Variants in CACHD1 observed in about 807,000 individuals in gnomAD.
CACHD1 encodes VWFA and cache domain-containing protein 1.
Under a neutral mutation model 138.7 loss-of-function variants are expected in CACHD1, and 71 were observed. That is an observed-to-expected ratio of 0.51 (90% CI 0.42 to 0.62). The LOEUF is 0.62. Among genes scored for constraint, CACHD1 ranks in the 20% least tolerant of loss-of-function variants. CACHD1 has a pLI of 0.00. For missense variants in CACHD1, 1,389 were observed against 1,625.3 expected (o/e 0.85, Z 2.50); for synonymous variants, 578 against 591.5 (o/e 0.98, Z 0.33).
intron 26 of CACHD1, among the ~76,000 whole-genome samples, chr1:64,688,185 T>C (rs1272204596): frequency 6.6e-6 from 1 of 152,074 alleles, no homozygotes; most frequent in African/African-American, 2.4e-5. Context: ...GTGTGGGTGC[T>C]TGTAAATGAG....
intron 3 of CACHD1, among the ~76,000 whole-genome samples, chr1:64,593,065 T>C (rs1341687242): frequency 6.6e-6 from 1 of 152,184 alleles, no homozygotes. Flanking sequence ...AGAAAACTTT[T>C]AGGAGAAAAA....
At chr1:64,675,798 A>T in intron 20 of CACHD1, 99 bp from the exon 21 acceptor site, 1 of 803,240 alleles carries the variant, frequency 1.2e-6, no homozygotes, top group Non-Finnish European at 1.9e-6. Flanking sequence ...CTATTCTTTT[A>T]AACTAGCTCA....
At position 64,527,174 on chromosome 1, in the gene CACHD1, G is replaced by A. The variant is rs534117798; in HGVS notation, c.199-23420G>A. On this transcript the variant is annotated intron_variant, in intron 1 of 26. Transcript: ENST00000651257. ...TGGATGAGTGCAAGTGCAGGACCAC[G>A]GAGCGGCACAGGGACAGTTGCAGAT... is the stretch of plus-strand genomic sequence containing the variant. Among the ~76,000 whole-genome samples, 11 of 152,276 alleles carry A rather than the reference G, an allele frequency of 7.2e-5. No homozygotes were observed. The South Asian group carries it at 2.3e-3, about 32-fold the overall frequency.
At chr1:64,472,427 TGAGGAGTG>T (rs1457894578) in intron 1 of CACHD1, among the ~76,000 whole-genome samples, 1 of 152,196 alleles carries the variant, frequency 6.6e-6, no homozygotes, top group Non-Finnish European at 1.5e-5. Context: ...ACATGAGGAC[TGAGGAGTG>T]GATGGATTTT....
At chr1:64,681,145 A>G in intron 24 of CACHD1, 113 bp from the exon 25 acceptor site, 1 of 707,442 alleles carries the variant, frequency 1.4e-6, no homozygotes, top group Admixed American at 2.2e-5. Context: ...GATGGGATTC[A>G]TTCTTGATGG....
chr1:64,550,576 AT>A lies in CACHD1; in HGVS notation c.199-14del. 1 of 1,592,840 alleles carries A rather than the reference AT, an allele frequency of 6.3e-7. No homozygotes were observed. Among genetic ancestry groups the A allele is most frequent in the African/African-American group, 1.3e-5 (1 of 74,620 alleles). On this transcript the variant is annotated splice_polypyrimidine_tract_variant and intron_variant, in intron 1 of 26. Transcript: ENST00000651257. ...GACTTATTTAGAAAATCTCATGTTC[AT>A]TTTCTTTTCATTGCAGCGGATATTC...
At chr1:64,522,326 T>C (rs1421287184) in intron 1 of CACHD1, among the ~76,000 whole-genome samples, 1 of 152,142 alleles carries the variant, frequency 6.6e-6, no homozygotes, top group African/African-American at 2.4e-5. Context: ...TTTGTTTTTT[T>C]GAGATGAAGC....
chr1:64,521,735 A>G (rs1271743408), intron 1 of CACHD1, among the ~76,000 whole-genome samples: 6 of 152,172 alleles, frequency 3.9e-5, no homozygotes, highest in African/African-American at 1.4e-4. Flanking sequence ...TTTGAGTGGT[A>G]TTGCTGGTTC....
In CACHD1 at chr1:64,531,971, C is replaced by CT. The variant is rs1646590879; in HGVS notation, c.199-18622dup. Reference sequence around the variant, plus strand: ...TTGAAAGATGAGAAAGAATGAGTCCCTGTGTTCTAGAAACTCACAGGATAG... The same window carrying CT: ...TTGAAAGATGAGAAAGAATGAGTCCCTTGTGTTCTAGAAACTCACAGGATAG... On this transcript the variant is annotated intron_variant, in intron 1 of 26. Transcript: ENST00000651257. Among the ~76,000 whole-genome samples the CT allele has an allele frequency of 2.6e-5, 4 of 152,296 alleles. No homozygotes were observed. In the South Asian group the frequency reaches 8.3e-4, roughly 32 times the overall value.
chr1:64,535,782 G>A (rs1002670124), intron 1 of CACHD1, among the ~76,000 whole-genome samples: 7 of 152,166 alleles, frequency 4.6e-5, no homozygotes, highest in African/African-American at 1.7e-4. Context: ...ACCTCCATGA[G>A]TCTTACACAT....
intron 1 of CACHD1, among the ~76,000 whole-genome samples, chr1:64,493,949 G>A (rs887628536): frequency 3.9e-5 from 6 of 152,222 alleles, no homozygotes; most frequent in African/African-American, 1.4e-4. Context: ...CATCTCAGCA[G>A]TTCCTGGGGC....
chr1:64,529,270 A>G (rs1252248312), intron 1 of CACHD1, among the ~76,000 whole-genome samples: 1 of 152,196 alleles, frequency 6.6e-6, no homozygotes, highest in Non-Finnish European at 1.5e-5. Context: ...AACCATAGAA[A>G]AATATTGCTT....
intron 4 of CACHD1, 128 bp from the exon 5 acceptor site, chr1:64,629,227 T>G (rs1648215393): frequency 4.9e-6 from 5 of 1,019,328 alleles, no homozygotes; most frequent in Non-Finnish European, 7.1e-6. Context: ...CATAGAAAAT[T>G]TACAATCTTG....
intron 4 of CACHD1, chr1:64,613,493 G>A (rs556663759): frequency 2.6e-5 from 4 of 152,056 alleles, no homozygotes; most frequent in East Asian, 1.9e-4. Context: ...TCCAGGGGTC[G>A]AGAACTGAGC....
At chr1:64,516,487 A>G (rs1365941352) in intron 1 of CACHD1, among the ~76,000 whole-genome samples, 1 of 152,228 alleles carries the variant, frequency 6.6e-6, no homozygotes, top group Non-Finnish European at 1.5e-5. Context: ...CTAGGTACTT[A>G]GTAAATGTTT....
intron 5 of CACHD1, among the ~76,000 whole-genome samples, chr1:64,630,583 C>T (rs779265628): frequency 8.5e-5 from 13 of 152,146 alleles, no homozygotes; most frequent in African/African-American, 2.2e-4. Flanking sequence ...CGTGCCCAGT[C>T]GTCCTAAGAT....
chr1:64,675,598 A>C, intron 20 of CACHD1, 37 bp downstream of exon 20: 1 of 1,569,082 alleles, frequency 6.4e-7, no homozygotes, highest in Non-Finnish European at 8.7e-7. Context: ...TGTTCACCAC[A>C]CTGTTTAATA....
chr1:64,575,624 G>A (rs977889651), intron 2 of CACHD1, among the ~76,000 whole-genome samples: 1 of 152,074 alleles, frequency 6.6e-6, no homozygotes, highest in Non-Finnish European at 1.5e-5. Context: ...ACTTTTCTAG[G>A]TTCAATAGGA....
intron 4 of CACHD1, among the ~76,000 whole-genome samples, chr1:64,622,089 C>T (rs1260595489): frequency 6.6e-6 from 1 of 152,092 alleles, no homozygotes; most frequent in African/African-American, 2.4e-5. Flanking sequence ...AAAATAGCAC[C>T]AGGCCTTTTC....
Sources: gnomAD v4.1 joint callset for allele counts (sites outside exome capture counted in the v4.1 genomes callset) on GRCh38, gnomAD v4.1.1 for gene constraint, MANE v1.5 for transcripts, NCBI Gene and HGNC (gene_info 2026-07-23, HGNC 2026-07-21) for gene names.